The following ZMYM2 variants were observed in gnomAD, a reference collection of about 807,000 sequenced individuals.
The protein encoded by ZMYM2 is zinc finger MYM-type containing 2.
A neutral mutation model predicts 162.8 loss-of-function variants in ZMYM2; 56 were observed. That is an observed-to-expected ratio of 0.34 (90% CI 0.28 to 0.43). The LOEUF (loss-of-function observed/expected upper bound fraction) is 0.43. Ranked by LOEUF, ZMYM2 falls within the 20% of genes least tolerant of loss-of-function variation. The pLI is 1.00. For synonymous variants in ZMYM2, 510 were observed against 541.6 expected (o/e 0.94, Z 0.81); for missense variants, 1,275 against 1,621.8 (o/e 0.79, Z 3.67).
intron 7 of ZMYM2, among the ~76,000 whole-genome samples, chr13:20,023,292 A>G (rs1029387624): frequency 8.5e-5 from 13 of 152,198 alleles, no homozygotes; most frequent in Admixed American, 2.6e-4. Context: ...TATGCAGCCT[A>G]TATCTTGGGG....
the ZMYM2 span, among the ~76,000 whole-genome samples, chr13:19,904,066 CT>C: frequency 6.6e-6 from 1 of 152,028 alleles, no homozygotes; most frequent in Non-Finnish European, 1.5e-5. Context: ...TCCCTGAACC[CT>C]TTGCCTTCCC....
chr13:19,884,730 C>A, the ZMYM2 span, among the ~76,000 whole-genome samples: 1 of 152,138 alleles, frequency 6.6e-6, no homozygotes, highest in Non-Finnish European at 1.5e-5. Context: ...AAAAAAGACA[C>A]AAACTCTCGC....
At chr13:20,049,180 G>GT (rs57488088) in intron 12 of ZMYM2, among the ~76,000 whole-genome samples, 151,925 of 151,926 alleles carry the variant, frequency 1, 75,962 homozygotes, top group Non-Finnish European at 1. Flanking sequence ...CTCACTTACT[G>GT]TTTTTTCATG....
the ZMYM2 span, among the ~76,000 whole-genome samples, chr13:19,923,793 C>G: frequency 6.6e-6 from 1 of 150,818 alleles, no homozygotes; most frequent in South Asian, 2.1e-4. Context: ...GCCTCAGCCT[C>G]CTGAGTAGCT....
At chr13:19,939,020 ATTTTT>A in the ZMYM2 span, among the ~76,000 whole-genome samples, 2 of 124,136 alleles carry the variant, frequency 1.6e-5, no homozygotes, top group Non-Finnish European at 3.3e-5. Flanking sequence ...CTTTGTTGTA[ATTTTT>A]TTTTTTTTTT....
chr13:20,038,767 T>C (rs1345780718), intron 12 of ZMYM2, among the ~76,000 whole-genome samples: 1 of 152,124 alleles, frequency 6.6e-6, no homozygotes, highest in Non-Finnish European at 1.5e-5. Context: ...TTGGGCTCTT[T>C]TTTGGTTCCA....
chr13:20,046,732 G>A (rs1954869191), intron 12 of ZMYM2, among the ~76,000 whole-genome samples: 2 of 150,668 alleles, frequency 1.3e-5, no homozygotes, highest in African/African-American at 4.9e-5. Flanking sequence ...GGGAAGTTTG[G>A]GATTTGTTTC....
At chr13:19,957,134 C>T (rs372463196), upstream of ZMYM2, among the ~76,000 whole-genome samples, 5 of 151,608 alleles carry the variant, frequency 3.3e-5, no homozygotes, top group African/African-American at 4.8e-5. Context: ...AGGTGGAAAG[C>T]CTACTTGATT....
chr13:19,885,961 A>G, the ZMYM2 span, among the ~76,000 whole-genome samples: 2,123 of 32,828 alleles, frequency 0.065, 642 homozygotes, highest in Admixed American at 0.24. Flanking sequence ...ACACATATAT[A>G]TGTGTATACA....
the ZMYM2 span, among the ~76,000 whole-genome samples, chr13:19,901,999 G>A: frequency 6.6e-6 from 1 of 152,020 alleles, no homozygotes; most frequent in Non-Finnish European, 1.5e-5. Context: ...GTGTTGCCCA[G>A]GCTGGTCTCA....
the ZMYM2 span, among the ~76,000 whole-genome samples, chr13:19,947,006 T>A: frequency 2.4e-4 from 37 of 152,008 alleles, no homozygotes; most frequent in Non-Finnish European, 4.4e-4. Flanking sequence ...TAGCTTTGAT[T>A]TGTTATCAAT....
At chr13:20,006,248 A>AAATT in intron 5 of ZMYM2, 126 bp from the exon 6 acceptor site, 1 of 553,874 alleles carries the variant, frequency 1.8e-6, no homozygotes, top group African/African-American at 2.8e-5. Context: ...AAAAAAAAAA[A>AAATT]TTTTTTTTTT....
In ZMYM2 at chr13:20,002,953, G is replaced by A. The variant is rs748344244; in HGVS notation, c.951G>A (p.Pro317=). 18 of 1,613,948 alleles carry A rather than the reference G, an allele frequency of 1.1e-5. No homozygotes were observed. The highest frequency in any genetic ancestry group is 6.7e-5 in the African/African-American group (5 of 74,870). Residue 317 remains proline, a synonymous_variant, in exon 4 of 25, where the codon CCG becomes CCA. Coordinates refer to ENST00000610343, the MANE Select transcript of ZMYM2 (RefSeq NM_197968.4). ...VASLPKQIFQ[P]SVQQQPTKPV... is the part of the protein sequence containing the mutation. ...CACTTCCTAAACAGATTTTCCAGCC[G>A]TCTGTCCAACAGCAGCCTACTAAAC...
At chr13:19,949,151 T>C in the ZMYM2 span, among the ~76,000 whole-genome samples, 1 of 151,432 alleles carries the variant, frequency 6.6e-6, no homozygotes, top group Non-Finnish European at 1.5e-5. Context: ...GGCTCACGCC[T>C]CTAATCCCAG....
intron 2 of ZMYM2, among the ~76,000 whole-genome samples, chr13:19,963,058 C>T (rs1955424174): frequency 1.3e-5 from 2 of 151,992 alleles, no homozygotes; most frequent in African/African-American, 4.8e-5. Flanking sequence ...AGACTGGTCT[C>T]GAACTCCTGA....
At chr13:19,916,715 G>A in the ZMYM2 span, among the ~76,000 whole-genome samples, 1 of 151,494 alleles carries the variant, frequency 6.6e-6, no homozygotes, top group Non-Finnish European at 1.5e-5. Context: ...CTTGTCGGGG[G>A]GTGGGGGGCT....
intron 10 of ZMYM2, among the ~76,000 whole-genome samples, chr13:20,033,922 T>C (rs1283148178): frequency 6.6e-6 from 1 of 152,246 alleles, no homozygotes; most frequent in East Asian, 1.9e-4. Flanking sequence ...CCATAATTTT[T>C]ATCTTTCTTT....
At chr13:19,913,003 A>G in the ZMYM2 span, among the ~76,000 whole-genome samples, 3 of 152,196 alleles carry the variant, frequency 2.0e-5, no homozygotes, top group Non-Finnish European at 4.4e-5. Context: ...AGTGAACAAA[A>G]AAGTTGCTAG....
At chr13:20,046,544 A>T (rs1954796720) in intron 12 of ZMYM2, among the ~76,000 whole-genome samples, 1 of 106,098 alleles carries the variant, frequency 9.4e-6, no homozygotes, top group African/African-American at 3.3e-5. Flanking sequence ...ACACAGTAAG[A>T]CTTTGTCTCT....
Sources: gnomAD v4.1 joint callset for allele counts (sites outside exome capture counted in the v4.1 genomes callset) on GRCh38, gnomAD v4.1.1 for gene constraint, MANE v1.5 for transcripts, NCBI Gene and HGNC (gene_info 2026-07-23, HGNC 2026-07-21) for gene names.